Variants in DIP2C observed in about 807,000 individuals in gnomAD.
The protein encoded by DIP2C is disco-interacting protein 2 homolog C.
Under a neutral mutation model 192.4 loss-of-function variants are expected in DIP2C, and 33 were observed. The observed-to-expected ratio is 0.17, with a 90% confidence interval of 0.13 to 0.23. The LOEUF (loss-of-function observed/expected upper bound fraction) is 0.23, where lower values mean the gene tolerates loss of function less well. DIP2C is among the 10% of genes least tolerant of loss of function. The pLI, the probability that DIP2C is intolerant of heterozygous loss-of-function variation, is 1.00. For synonymous variants in DIP2C, 979 were observed against 864.1 expected, an observed-to-expected ratio of 1.13 and a Z score of -2.33; for missense variants, 1,537 against 2,110.1, an observed-to-expected ratio of 0.73 and a Z score of 5.32.
chr10:619,511 T>TGCCAGGGCCAGGGCCAGG (rs370197577), intron 1 of DIP2C, among the ~76,000 whole-genome samples: 174 of 119,256 alleles, frequency 1.5e-3, no homozygotes, highest in African/African-American at 5.3e-3. Context: ...ACAGGCTTTA[T>TGCCAGGGCCAGGGCCAGG]GCCAGGGCCA....
chr10:427,233 T>C (rs1966652050), intron 4 of DIP2C, among the ~76,000 whole-genome samples: 1 of 152,222 alleles, frequency 6.6e-6, no homozygotes. Flanking sequence ...CCCTGACTTA[T>C]GGCCCCTCCT....
intron 18 of DIP2C, among the ~76,000 whole-genome samples, chr10:368,959 G>A (rs1040214748): frequency 6.6e-6 from 1 of 152,258 alleles, no homozygotes; most frequent in Non-Finnish European, 1.5e-5. Context: ...CTCCTCGTGG[G>A]GCTGGTGGGG....
intron 34 of DIP2C, among the ~76,000 whole-genome samples, chr10:283,866 T>C (rs1954963273): frequency 6.6e-6 from 1 of 152,134 alleles, no homozygotes; most frequent in Admixed American, 6.5e-5. Flanking sequence ...GCTAATACTT[T>C]TGGACATATA....
intron 3 of DIP2C, among the ~76,000 whole-genome samples, chr10:468,272 C>T (rs1970381974): frequency 6.6e-6 from 1 of 152,080 alleles, no homozygotes; most frequent in South Asian, 2.1e-4. Flanking sequence ...CCTGTAACAG[C>T]AAGAAACAGC....
At chr10:341,983 G>C (rs1392731633) in intron 28 of DIP2C, among the ~76,000 whole-genome samples, 1 of 152,188 alleles carries the variant, frequency 6.6e-6, no homozygotes, top group Non-Finnish European at 1.5e-5. Context: ...TCACCAAGCT[G>C]GGCTATGTTG....
intron 8 of DIP2C, among the ~76,000 whole-genome samples, chr10:413,606 A>G (rs74786762): frequency 0.011 from 1,607 of 152,364 alleles, 20 homozygotes; most frequent in African/African-American, 0.037. Flanking sequence ...GTGCGGAAAC[A>G]TAAGGCAGCA....
At chr10:551,204 T>C (rs1218717399) in intron 1 of DIP2C, among the ~76,000 whole-genome samples, 3 of 152,166 alleles carry the variant, frequency 2.0e-5, no homozygotes, top group African/African-American at 7.2e-5. Flanking sequence ...CTGCTGACAC[T>C]GCCTCAAGCG....
At position 488,483 on chromosome 10, in the gene DIP2C, T is replaced by C. The variant is rs564894868; in HGVS notation, c.86-1953A>G. 3.3e-5 allele frequency among the ~76,000 whole-genome samples: 5 copies of C among 152,350 alleles called. No homozygotes were observed. The South Asian group carries it at 6.2e-4, about 19-fold the overall frequency. On this transcript the variant is annotated intron_variant, in intron 1 of 36. Coordinates refer to ENST00000280886, the MANE Select transcript of DIP2C (RefSeq NM_014974.3). ...GGACCACAAATCTAAGACAAAACTC[T>C]GTCCAGCTCCAAAACCATGTCCCAT...
intron 8 of DIP2C, among the ~76,000 whole-genome samples, chr10:410,324 G>A (rs545795958): frequency 1.2e-4 from 19 of 152,218 alleles, no homozygotes; most frequent in Middle Eastern, 3.4e-3. Flanking sequence ...ACAAAGTTAC[G>A]GTGTGCATTC....
At chr10:611,000 C>T (rs575441787) in intron 1 of DIP2C, among the ~76,000 whole-genome samples, 2 of 149,918 alleles carry the variant, frequency 1.3e-5, no homozygotes, top group African/African-American at 4.9e-5. Flanking sequence ...TTTCTAACCC[C>T]CCAGTGTTGG....
At chr10:680,605 A>G (rs1004324189) in intron 1 of DIP2C, among the ~76,000 whole-genome samples, 1 of 152,174 alleles carries the variant, frequency 6.6e-6, no homozygotes, top group African/African-American at 2.4e-5. Flanking sequence ...CACACGGTCT[A>G]GTTTACCTGC....
intron 1 of DIP2C, among the ~76,000 whole-genome samples, chr10:619,533 G>GCCCTCCCA (rs1172584696): frequency 1.6e-3 from 61 of 38,826 alleles, no homozygotes; most frequent in African/African-American, 6.1e-3. Flanking sequence ...GACCAAGCCC[G>GCCCTCCCA]CCCGCCCGCC....
chr10:300,871 A>ACT (rs1249208673), intron 32 of DIP2C, among the ~76,000 whole-genome samples: 1 of 152,200 alleles, frequency 6.6e-6, no homozygotes, highest in Admixed American at 6.5e-5. Flanking sequence ...AGAAACCGGA[A>ACT]CTCGCTCTAA....
intron 1 of DIP2C, among the ~76,000 whole-genome samples, chr10:538,458 A>C (rs1847813677): frequency 6.6e-6 from 1 of 152,230 alleles, no homozygotes; most frequent in East Asian, 1.9e-4. Flanking sequence ...CATTGTGCCC[A>C]GTCTCCTGAA....
At chr10:305,550 T>C (rs1589434947) in intron 32 of DIP2C, among the ~76,000 whole-genome samples, 1 of 152,254 alleles carries the variant, frequency 6.6e-6, no homozygotes, top group Non-Finnish European at 1.5e-5. Flanking sequence ...CCTTTAGTTA[T>C]GACTTCAGGT....
intron 6 of DIP2C, among the ~76,000 whole-genome samples, 174 bp downstream of exon 6, chr10:418,891 T>C (rs1376454524): frequency 6.6e-6 from 1 of 152,216 alleles, no homozygotes; most frequent in Admixed American, 6.5e-5. Flanking sequence ...TTGGAGAATA[T>C]TTGCATTTTT....
chr10:629,075 C>T (rs1208637726), intron 1 of DIP2C, among the ~76,000 whole-genome samples: 1 of 152,096 alleles, frequency 6.6e-6, no homozygotes, highest in Non-Finnish European at 1.5e-5. Flanking sequence ...AAGGGGCTGC[C>T]GAGGCCAGTG....
chr10:419,477 T>G (rs962215073), intron 5 of DIP2C, among the ~76,000 whole-genome samples: 1 of 152,192 alleles, frequency 6.6e-6, no homozygotes, highest in South Asian at 2.1e-4. Context: ...AGAATAACGT[T>G]AGACTGGCAA....
chr10:390,253 G>C lies in DIP2C; in HGVS notation c.1494+11C>G, dbSNP rs541932423. On this transcript the variant is annotated intron_variant, in intron 12 of 36. Coordinates refer to ENST00000280886, the MANE Select transcript of DIP2C (RefSeq NM_014974.3). Reference sequence around the variant, plus strand: ...ACTCAGGGCCAGTGGAGGAGGCCAAGGCTGACTCACCTCAATATACGCAGT... The same window carrying C: ...ACTCAGGGCCAGTGGAGGAGGCCAACGCTGACTCACCTCAATATACGCAGT... 37 of 1,613,382 alleles carry C rather than the reference G, an allele frequency of 2.3e-5. No homozygotes were observed. The East Asian group carries it at 8.2e-4, about 36-fold the overall frequency.
Sources: gnomAD v4.1 joint callset for allele counts (sites outside exome capture counted in the v4.1 genomes callset) on GRCh38, gnomAD v4.1.1 for gene constraint, MANE v1.5 for transcripts, NCBI Gene and HGNC (gene_info 2026-07-23, HGNC 2026-07-21) for gene names.